The following ST6GALNAC5 variants were observed in gnomAD, a reference collection of about 807,000 sequenced individuals.
The protein encoded by ST6GALNAC5 is alpha-N-acetylgalactosaminide alpha-2,6-sialyltransferase 5.
Under a neutral mutation model 33.6 loss-of-function variants are expected in ST6GALNAC5, and 27 were observed. The ratio of observed to expected loss-of-function variants is 0.80; its 90% CI spans 0.59 to 1.11. The LOEUF is 1.11. Ranked by LOEUF, ST6GALNAC5 falls within the 50% of genes least tolerant of loss-of-function variation. The pLI, the probability that ST6GALNAC5 is intolerant of heterozygous loss-of-function variation, is 0.00. For missense variants in ST6GALNAC5, 428 were observed against 454.0 expected, an observed-to-expected ratio of 0.94 and a Z score of 0.52; for synonymous variants, 194 against 171.2, an observed-to-expected ratio of 1.13 and a Z score of -1.04.
intron 2 of ST6GALNAC5, among the ~76,000 whole-genome samples, chr1:77,023,406 G>A (rs1651122978): frequency 6.6e-6 from 1 of 152,166 alleles, no homozygotes; most frequent in African/African-American, 2.4e-5. Flanking sequence ...CCATGACTTA[G>A]TTTCAGGGCC....
chr1:76,950,156 A>T (rs1647685015), intron 2 of ST6GALNAC5, among the ~76,000 whole-genome samples: 1 of 152,138 alleles, frequency 6.6e-6, no homozygotes, highest in African/African-American at 2.4e-5. Flanking sequence ...GATTAAGCCA[A>T]GGTCATGCAC....
chr1:77,052,465 A>T (rs1652253716), intron 4 of ST6GALNAC5, among the ~76,000 whole-genome samples: 2 of 152,200 alleles, frequency 1.3e-5, no homozygotes, highest in Admixed American at 6.6e-5. Context: ...CAAGCAGGTC[A>T]TGGTGAGAAT....
chr1:76,992,743 C>T (rs892300900), intron 2 of ST6GALNAC5, among the ~76,000 whole-genome samples: 1 of 152,158 alleles, frequency 6.6e-6, no homozygotes, highest in Non-Finnish European at 1.5e-5. Flanking sequence ...TATCTGCCCA[C>T]CTCGGCCTTC....
intron 2 of ST6GALNAC5, among the ~76,000 whole-genome samples, chr1:77,008,980 C>T (rs1650529913): frequency 6.6e-6 from 1 of 152,196 alleles, no homozygotes; most frequent in African/African-American, 2.4e-5. Flanking sequence ...GAGAAAAAGA[C>T]ATTTATGAAA....
intron 2 of ST6GALNAC5, among the ~76,000 whole-genome samples, chr1:76,974,247 C>G (rs1237871772): frequency 7.2e-6 from 1 of 139,644 alleles, no homozygotes; most frequent in South Asian, 2.3e-4. Flanking sequence ...AGGCCTCGCT[C>G]TGTCTCCCAG....
At chr1:77,010,570 G>A (rs753901809) in intron 2 of ST6GALNAC5, among the ~76,000 whole-genome samples, 1 of 152,090 alleles carries the variant, frequency 6.6e-6, no homozygotes, top group Non-Finnish European at 1.5e-5. Flanking sequence ...GTGACCCTTG[G>A]CAGCTCTGGG....
chr1:77,018,503 CA>C (rs1650934276), intron 2 of ST6GALNAC5, among the ~76,000 whole-genome samples: 1 of 152,096 alleles, frequency 6.6e-6, no homozygotes, highest in Non-Finnish European at 1.5e-5. Context: ...GCCATTTGTG[CA>C]AATCCACACA....
At chr1:76,871,294 G>A (rs962589916) in intron 2 of ST6GALNAC5, 1 of 152,080 alleles carries the variant, frequency 6.6e-6, no homozygotes, top group Non-Finnish European at 1.5e-5. Context: ...GGAATATGCT[G>A]GATGTGATGA....
rs924001526 is a variant in ST6GALNAC5, at chr1:76,867,595, T to A, written c.-81T>A. ...AAAAATCAGAGCCGCCTCCGCCCCA[T>A]TACCCATCATGGAAACCCTCCAGGA... On this transcript the variant is annotated 5_prime_UTR_variant, in exon 1 of 5. Coordinates refer to ENST00000477717, the MANE Select transcript of ST6GALNAC5 (RefSeq NM_030965.3). The A allele has an allele frequency of 1.9e-6, 3 of 1,610,178 alleles. No homozygotes were observed. The highest frequency in any genetic ancestry group is 3.3e-5 in the Admixed American group (2 of 60,012).
chr1:76,956,243 G>A (rs1647971524), intron 2 of ST6GALNAC5, among the ~76,000 whole-genome samples: 1 of 151,310 alleles, frequency 6.6e-6, no homozygotes, highest in Non-Finnish European at 1.5e-5. Context: ...GACCAATAGA[G>A]GAAGCCATAT....
At chr1:77,061,305 A>C (rs1311648134) in intron 4 of ST6GALNAC5, among the ~76,000 whole-genome samples, 1 of 150,318 alleles carries the variant, frequency 6.7e-6, no homozygotes. Flanking sequence ...ACCTAAGAGG[A>C]GAAACAGCTC....
chr1:76,966,646 T>C (rs576005282), intron 2 of ST6GALNAC5, among the ~76,000 whole-genome samples: 8 of 152,046 alleles, frequency 5.3e-5, no homozygotes, highest in Non-Finnish European at 1.2e-4. Flanking sequence ...TGAATAGGAG[T>C]GGTGAGAGAG....
chr1:77,057,646 T>C (rs889902165), intron 4 of ST6GALNAC5, among the ~76,000 whole-genome samples: 6 of 152,326 alleles, frequency 3.9e-5, no homozygotes, highest in Middle Eastern at 3.4e-3. Flanking sequence ...AGGGTACCTC[T>C]GGAATGAAAG....
At chr1:76,894,667 A>G (rs963618360) in intron 2 of ST6GALNAC5, among the ~76,000 whole-genome samples, 1 of 152,208 alleles carries the variant, frequency 6.6e-6, no homozygotes. Context: ...GTGATGTTCC[A>G]ACAGTTCATC....
intron 2 of ST6GALNAC5, among the ~76,000 whole-genome samples, chr1:76,893,185 T>C (rs1654049944): frequency 6.6e-6 from 1 of 151,882 alleles, no homozygotes. Flanking sequence ...AATTTTAGCA[T>C]AGAGTAAGTG....
intron 2 of ST6GALNAC5, among the ~76,000 whole-genome samples, chr1:76,999,603 T>C (rs1435206940): frequency 6.6e-6 from 1 of 151,404 alleles, no homozygotes; most frequent in Non-Finnish European, 1.5e-5. Flanking sequence ...ACTCATCATC[T>C]AGCATTAGGT....
At chr1:76,931,700 G>A (rs1647143645) in intron 2 of ST6GALNAC5, among the ~76,000 whole-genome samples, 2 of 152,078 alleles carry the variant, frequency 1.3e-5, no homozygotes, top group Admixed American at 6.6e-5. Context: ...GAATGTATGA[G>A]ACACATATAT....
chr1:76,967,317 T>C (rs1648536893), intron 2 of ST6GALNAC5, among the ~76,000 whole-genome samples: 1 of 152,226 alleles, frequency 6.6e-6, no homozygotes, highest in African/African-American at 2.4e-5. Flanking sequence ...CTTCCTGGTT[T>C]AGTCTTGGGA....
At position 77,044,359 on chromosome 1, in the gene ST6GALNAC5, C is replaced by G. The variant is rs774682596; in HGVS notation, c.417C>G (p.Thr139=). ...ATGGGCGTGACGTGGGCAATCGCACCAGCCTGAGGGTCATCGCGCATTCCA... is the reference window on the plus strand; with the variant it reads ...ATGGGCGTGACGTGGGCAATCGCACGAGCCTGAGGGTCATCGCGCATTCCA... ...RGYGRDVGNR[T]SLRVIAHSSI... Residue 139 remains threonine (T), a synonymous_variant, in exon 3 of 5, where the codon ACC becomes ACG. Transcript: ENST00000477717. The G allele has an allele frequency of 6.2e-7, 1 of 1,613,950 alleles. No individual in the cohort carries two copies. The highest frequency in any genetic ancestry group is 2.2e-5 in the East Asian group (1 of 44,840).
Sources: allele counts gnomAD v4.1 joint callset (sites outside exome capture counted in the v4.1 genomes callset), GRCh38; gene constraint gnomAD v4.1.1; transcripts MANE v1.5; gene names NCBI Gene and HGNC (gene_info 2026-07-23, HGNC 2026-07-21).